The following CWF19L2 variants were observed in gnomAD, a reference collection of about 807,000 sequenced individuals.
CWF19L2 encodes CWF19-like protein 2.
Under a neutral mutation model 111.7 loss-of-function variants are expected in CWF19L2, and 98 were observed. The observed-to-expected ratio is 0.88, with a 90% CI of 0.75 to 1.04. The LOEUF is 1.04. Ranked by LOEUF, CWF19L2 falls within the 50% of genes least tolerant of loss-of-function variation. CWF19L2 has a pLI of 0.00. For synonymous variants in CWF19L2, 351 were observed against 342.9 expected, an observed-to-expected ratio of 1.02 and a Z score of -0.26; for missense variants, 1,101 against 1,051.4, an observed-to-expected ratio of 1.05 and a Z score of -0.65.
intron 14 of CWF19L2, among the ~76,000 whole-genome samples, chr11:107,348,184 A>G (rs2134540728): frequency 6.6e-6 from 1 of 152,248 alleles, no homozygotes; most frequent in Non-Finnish European, 1.5e-5. Context: ...TTCTTTTGAC[A>G]TACTTATCAG....
At chr11:107,428,726 T>G in intron 8 of CWF19L2, 73 bp downstream of exon 8, 1 of 1,153,404 alleles carries the variant, frequency 8.7e-7, no homozygotes, top group Non-Finnish European at 1.2e-6. Flanking sequence ...TAATAACTGA[T>G]GTTCTAAAAA....
At chr11:107,455,629 A>C in intron 2 of CWF19L2, 37 bp downstream of exon 2, 20 of 1,198,948 alleles carry the variant, frequency 1.7e-5, no homozygotes, top group Admixed American at 2.5e-5. Flanking sequence ...AAAAAAGGAC[A>C]GATATCCTTA....
At chr11:107,431,050 C>T (rs1372328575) in intron 7 of CWF19L2, among the ~76,000 whole-genome samples, 3 of 151,252 alleles carry the variant, frequency 2.0e-5, no homozygotes, top group Non-Finnish European at 4.4e-5. Context: ...TTTTACTCAA[C>T]TTTGAATATA....
At chr11:107,332,142 G>A (rs372274998) in intron 16 of CWF19L2, among the ~76,000 whole-genome samples, 1 of 152,106 alleles carries the variant, frequency 6.6e-6, no homozygotes, top group Non-Finnish European at 1.5e-5. Flanking sequence ...CCACATTCTC[G>A]TGAGAAGTGC....
At position 107,457,791 on chromosome 11, in the gene CWF19L2, C is replaced by G. The variant is rs1000715862; in HGVS notation, c.26G>C (p.Ser9Thr). Residue 9 changes from serine to threonine, a missense_variant, in exon 1 of 18, where the codon AGT becomes ACT. Physicochemically the swap from Ser to Thr is moderately conservative, Grantham distance 58. Coordinates refer to ENST00000282251, the MANE Select transcript of CWF19L2 (RefSeq NM_152434.3). The stretch of plus-strand genomic sequence containing the variant: ...ACTCTTCGCACTTTCAAATCTACCA[C>G]TAGCAGCCGCCATACTTGTTGCCAT... MATSMAAASGRFESAKSIE... is the reference protein window; with the variant it reads MATSMAAATGRFESAKSIE... The G allele has an allele frequency of 1.4e-5, 21 of 1,551,654 alleles. No homozygotes were observed. Among genetic ancestry groups the G allele is most frequent in the Admixed American group, 5.9e-5 (3 of 50,990 alleles).
At position 107,374,143 on chromosome 11, in the gene CWF19L2, A is replaced by T. The variant is rs1326963282; in HGVS notation, c.1872+15931T>A. On this transcript the variant is annotated intron_variant, in intron 12 of 17. Coordinates refer to ENST00000282251, the MANE Select transcript of CWF19L2 (RefSeq NM_152434.3). ...TGTGAAAAGACCAAATCTACGTCGG[A>T]TTGGTGTACCTGAAAGTGACGGGGA... Among the ~76,000 whole-genome samples, 2 of 135,154 alleles carry T rather than the reference A, an allele frequency of 1.5e-5. 1 individual carries two copies. The highest frequency in any genetic ancestry group is 6.1e-5 in the African/African-American group (2 of 32,814). 88.7% of individuals were successfully genotyped at this position (135,154 alleles called of 152,430 possible).
intron 3 of CWF19L2, among the ~76,000 whole-genome samples, chr11:107,453,210 G>A (rs555327311): frequency 1.3e-5 from 2 of 152,276 alleles, no homozygotes; most frequent in East Asian, 3.9e-4. Context: ...ACATTACACA[G>A]TAGAATAGCT....
At chr11:107,399,400 C>T (rs1307751254) in intron 10 of CWF19L2, among the ~76,000 whole-genome samples, 1 of 151,976 alleles carries the variant, frequency 6.6e-6, no homozygotes, top group Non-Finnish European at 1.5e-5. Flanking sequence ...CAAATGGACA[C>T]CAAAAGTGAG....
intron 12 of CWF19L2, among the ~76,000 whole-genome samples, chr11:107,362,306 C>T (rs942852980): frequency 6.6e-6 from 1 of 151,906 alleles, no homozygotes; most frequent in Non-Finnish European, 1.5e-5. Context: ...GAAGCTCGAA[C>T]TGGGTGGAGC....
In CWF19L2 at chr11:107,351,837, G is replaced by A. The variant is rs369527905; in HGVS notation, c.2085+1687C>T. On this transcript the variant is annotated intron_variant, in intron 13 of 17. Transcript: ENST00000282251. Reference sequence around the variant, plus strand: ...CTTGTGTACTTCTGCTAATTCTGTTGGAACAAGCCTAGCTCCCATGTGAAG... The same window carrying A: ...CTTGTGTACTTCTGCTAATTCTGTTAGAACAAGCCTAGCTCCCATGTGAAG... Among the ~76,000 whole-genome samples, 9 of 152,134 alleles carry A rather than the reference G, an allele frequency of 5.9e-5. No individual in the cohort carries two copies. The South Asian group carries it at 1.2e-3, about 21-fold the overall frequency.
intron 12 of CWF19L2, among the ~76,000 whole-genome samples, chr11:107,388,259 C>T (rs1232288244): frequency 1.3e-5 from 2 of 152,136 alleles, no homozygotes; most frequent in Non-Finnish European, 2.9e-5. Flanking sequence ...CTTTCTCATC[C>T]ACTAGAAATA....
chr11:107,422,136 T>TA (rs1221956414), intron 8 of CWF19L2, among the ~76,000 whole-genome samples: 2 of 152,100 alleles, frequency 1.3e-5, no homozygotes, highest in African/African-American at 4.8e-5. Flanking sequence ...TGATCCCATT[T>TA]ACATCGAACT....
chr11:107,338,953 C>A (rs986989699), intron 14 of CWF19L2, among the ~76,000 whole-genome samples: 1 of 152,116 alleles, frequency 6.6e-6, no homozygotes, highest in African/African-American at 2.4e-5. Context: ...ATTGCTGGGT[C>A]AAATGGTATG....
intron 3 of CWF19L2, among the ~76,000 whole-genome samples, chr11:107,448,343 C>CAAAAAAAAA (rs61259014): frequency 1.8e-5 from 1 of 54,900 alleles, no homozygotes; most frequent in Non-Finnish European, 3.1e-5. Flanking sequence ...GACTCCGTCA[C>CAAAAAAAAA]AAAAAAAAAA....
chr11:107,442,900 G>GGAAGGAAA (rs1482815089), intron 4 of CWF19L2, 39 bp downstream of exon 4: 1 of 1,282,400 alleles, frequency 7.8e-7, no homozygotes, highest in African/African-American at 1.5e-5. Flanking sequence ...AAGGAAGGAA[G>GGAAGGAAA]GAAGAAAGCA....
At chr11:107,343,883 A>T (rs747735922) in intron 14 of CWF19L2, among the ~76,000 whole-genome samples, 3 of 152,158 alleles carry the variant, frequency 2.0e-5, no homozygotes, top group Non-Finnish European at 4.4e-5. Flanking sequence ...CTCAGTTAGA[A>T]TAAAATTGTC....
chr11:107,455,880 C>A, intron 1 of CWF19L2, 104 bp from the exon 2 acceptor site: 3 of 631,648 alleles, frequency 4.7e-6, no homozygotes, highest in Non-Finnish European at 2.8e-6. Flanking sequence ...AAAATATCCA[C>A]TCATGAATGA....
chr11:107,330,924 T>C (rs1859841364), intron 16 of CWF19L2, among the ~76,000 whole-genome samples: 1 of 152,094 alleles, frequency 6.6e-6, no homozygotes, highest in Admixed American at 6.6e-5. Context: ...GTGTATTGTG[T>C]CCTTTTTAAA....
chr11:107,327,120 TTC>T (rs773383561), intron 17 of CWF19L2, 67 bp from the exon 18 acceptor site: 36 of 1,358,514 alleles, frequency 2.6e-5, no homozygotes, highest in Middle Eastern at 3.8e-4. Context: ...ATGAAACTAT[TTC>T]TGTTTATTCT....
Sources: gnomAD v4.1 joint callset for allele counts (sites outside exome capture counted in the v4.1 genomes callset) on GRCh38, gnomAD v4.1.1 for gene constraint, MANE v1.5 for transcripts, NCBI Gene and HGNC (gene_info 2026-07-23, HGNC 2026-07-21) for gene names.